CYP4V2: variants seen among roughly 807,000 people sequenced by gnomAD.
CYP4V2 encodes cytochrome P450 family 4 subfamily V member 2, also known as cytochrome P450 4V2.
CYP4V2 carries 55 observed loss-of-function variants against 60.8 expected under a neutral mutation model. The observed-to-expected ratio is 0.90, with a 90% CI of 0.73 to 1.13. The LOEUF is 1.13. Among genes scored for constraint, CYP4V2 ranks in the 50% most tolerant of loss-of-function variants. The probability of loss-of-function intolerance (pLI) is 0.00; values close to 1 mark genes in which losing one functional copy is unlikely to be tolerated. For missense variants in CYP4V2, 675 were observed against 662.9 expected, an observed-to-expected ratio of 1.02 and a Z score of -0.20; for synonymous variants, 239 against 236.8, an observed-to-expected ratio of 1.01 and a Z score of -0.08.
In CYP4V2 at chr4:186,210,522, C is replaced by A. The variant is rs747710403; in HGVS notation, c.1459C>A (p.His487Asn). 6.2e-7 allele frequency: 1 copy of A among 1,614,066 alleles called. No homozygotes were observed. Among genetic ancestry groups the A allele is most frequent in the African/African-American group, 1.3e-5 (1 of 74,928 alleles). The part of the protein sequence containing the change: ...EKTILSCILR[H>N]FWIESNQKRE... ...GACCATTCTTTCGTGCATCCTGAGGCACTTTTGGATAGAATCCAACCAGAA... is the reference window on the plus strand; with the variant it reads ...GACCATTCTTTCGTGCATCCTGAGGAACTTTTGGATAGAATCCAACCAGAA... The change falls in exon 11 of 11, where the codon CAC (histidine) becomes AAC (asparagine). Residue 487 changes from histidine (H) to asparagine (N), a missense_variant. Coordinates refer to ENST00000378802, the MANE Select transcript of CYP4V2 (RefSeq NM_207352.4).
intron 6 of CYP4V2, among the ~76,000 whole-genome samples, chr4:186,200,087 G>A (rs201905639): frequency 1.7e-5 from 1 of 58,892 alleles, no homozygotes; most frequent in African/African-American, 6.4e-5. Flanking sequence ...CTTAAATTTT[G>A]TGCATTAATA....
Position 186,211,686 on chromosome 4 carries a change from C to CACACACAT in CYP4V2, c.*1052_*1053insTACACACA, listed in dbSNP as rs1736726118. Reference sequence around the variant, plus strand: ...ACATACACACACACACACACACACACACACACACACATACACACATATAAT... The same window carrying CACACACAT: ...ACATACACACACACACACACACACACACACACATACACACACACATACACACATATAAT... On this transcript the variant is annotated 3_prime_UTR_variant, in exon 11 of 11. Transcript: ENST00000378802. 9.9e-6 allele frequency: 1 copy of CACACACAT among 101,414 alleles called. No homozygotes were observed. The highest frequency in any genetic ancestry group is 2.2e-5 in the Non-Finnish European group (1 of 46,124). The allele number at this position is 101,414 out of a possible 1,614,324, so 6.3% of individuals were successfully genotyped here. A position where few individuals can be genotyped will look rare whatever the true frequency, so the allele number is the denominator to read the frequency against.
chr4:186,208,445 T>A (rs575560313), intron 8 of CYP4V2, among the ~76,000 whole-genome samples: 68 of 152,222 alleles, frequency 4.5e-4, no homozygotes, highest in African/African-American at 1.6e-3. Flanking sequence ...TAGCATCCCC[T>A]GCCTTGATCC....
At chr4:186,206,291 C>T (rs1736502710) in intron 8 of CYP4V2, among the ~76,000 whole-genome samples, 1 of 152,164 alleles carries the variant, frequency 6.6e-6, no homozygotes, top group South Asian at 2.1e-4. Flanking sequence ...GCGTTCAGGG[C>T]TCACCTGGAT....
At position 186,212,176 on chromosome 4, in the gene CYP4V2, A is replaced by G. The variant is rs1230906688; in HGVS notation, c.*1535A>G. On this transcript the variant is annotated 3_prime_UTR_variant, in exon 11 of 11. Coordinates refer to ENST00000378802, the MANE Select transcript of CYP4V2 (RefSeq NM_207352.4). The stretch of plus-strand genomic sequence containing the variant: ...TAAATCTCTCCACTCACATGCTGAT[A>G]TACTTTCTACTACAATATGCTATAG... 2.0e-5 allele frequency: 3 copies of G among 152,190 alleles called. No homozygotes were observed. The highest frequency in any genetic ancestry group is 4.8e-5 in the African/African-American group (2 of 41,452). The allele number at this position is 152,190 out of a possible 1,614,324, so 9.4% of individuals were successfully genotyped here.
intron 8 of CYP4V2, among the ~76,000 whole-genome samples, chr4:186,207,326 A>G (rs1467788513): frequency 1.2e-4 from 18 of 150,622 alleles, no homozygotes; most frequent in African/African-American, 4.4e-4. Context: ...GGAGAATGAC[A>G]TGAACCCCTC....
Position 186,197,119 on chromosome 4 carries a change from A to G in CYP4V2, c.593A>G (p.Asp198Gly). 1 of 1,613,890 alleles carries G rather than the reference A, an allele frequency of 6.2e-7. No homozygotes were observed. Among genetic ancestry groups the G allele is most frequent in the Non-Finnish European group, 8.5e-7 (1 of 1,180,040 alleles). ...CFFYITLCAL[D>G]IICETAMGKN... is the part of the protein sequence containing the mutation. ...TTTTACATCACTCTTTGTGCCTTAG[A>G]TATCATCTGTGGTGAGTCTCATCGA... Residue 198 changes from aspartate to glycine, a missense_variant, in exon 4 of 11, where the codon GAT becomes GGT. By Grantham distance (94) the Asp-to-Gly change is moderately conservative. Transcript: ENST00000378802.
intron 1 of CYP4V2, 30 bp from the exon 2 acceptor site, chr4:186,194,470 T>C (rs767122178): frequency 1.0e-4 from 157 of 1,576,116 alleles, no homozygotes; most frequent in Non-Finnish European, 1.4e-4. Context: ...CTCATCTTGA[T>C]TGAATTTCAA....
intron 7 of CYP4V2, chr4:186,204,970 G>A (rs1394137454): frequency 1.7e-6 from 1 of 579,264 alleles, no homozygotes; most frequent in East Asian, 3.0e-5. Context: ...CGTCCCACCA[G>A]CGTGCAACAC....
chr4:186,193,063 A>G (rs892424525), intron 1 of CYP4V2, among the ~76,000 whole-genome samples: 4 of 152,370 alleles, frequency 2.6e-5, no homozygotes, highest in Admixed American at 2.0e-4. Flanking sequence ...AAAAAAATCA[A>G]GCGAACTCTT....
chr4:186,209,164 T>C lies in CYP4V2; in HGVS notation c.1297T>C (p.Phe433Leu), dbSNP rs1398531485. The C allele has an allele frequency of 6.2e-7, 1 of 1,614,144 alleles. No individual in the cohort carries two copies. Among genetic ancestry groups the C allele is most frequent in the Admixed American group, 1.7e-5 (1 of 60,018 alleles). The change falls in exon 10 of 11, where the codon TTC becomes CTC. Residue 433 changes from phenylalanine (F) to leucine (L), a missense_variant. Coordinates refer to ENST00000378802, the MANE Select transcript of CYP4V2 (RefSeq NM_207352.4). ...TGCATTGCACAGAGATCCGAGATACTTCCCCAACCCCGAGGAGTTCCAGCC... is the reference window on the plus strand; with the variant it reads ...TGCATTGCACAGAGATCCGAGATACCTCCCCAACCCCGAGGAGTTCCAGCC... ...PYALHRDPRY[F>L]PNPEEFQPER...
At position 186,194,510 on chromosome 4, in the gene CYP4V2, G is replaced by A. The variant is rs1000040559; in HGVS notation, c.225G>A (p.Gln75=). The A allele has an allele frequency of 3.1e-6, 5 of 1,613,924 alleles. No individual in the cohort carries two copies. The highest frequency in any genetic ancestry group is 4.2e-6 in the Non-Finnish European group (5 of 1,179,942). Reference sequence around the variant, plus strand: ...GATGTTTTTCCCCAGAATTTTTTCAGCAGATCATTGAGTACACAGAGGAAT... The same window carrying A: ...GATGTTTTTCCCCAGAATTTTTTCAACAGATCATTGAGTACACAGAGGAAT... The part of the protein sequence containing the change: ...LMKPDGREFF[Q]QIIEYTEEYR... The change falls in exon 2 of 11, where the codon CAG becomes CAA. Residue 75 remains glutamine (Q), a synonymous_variant. Coordinates refer to ENST00000378802, the MANE Select transcript of CYP4V2 (RefSeq NM_207352.4).
chr4:186,202,744 TC>T (rs1412020732), intron 7 of CYP4V2: 4 of 146,188 alleles, frequency 2.7e-5, no homozygotes, highest in African/African-American at 1.0e-4. Context: ...CTACATACAC[TC>T]ATGCACATAC....
At chr4:186,204,846 A>G in intron 7 of CYP4V2, 1 of 365,284 alleles carries the variant, frequency 2.7e-6, no homozygotes, top group Non-Finnish European at 5.3e-6. Context: ...GGGGGAAGGC[A>G]GAGAAGTACA....
At position 186,191,833 on chromosome 4, in the gene CYP4V2, C is replaced by T. The variant is rs1301792055; in HGVS notation, c.10C>T (p.Leu4Phe). 1 of 1,568,176 alleles carries T rather than the reference C, an allele frequency of 6.4e-7. No individual in the cohort carries two copies. The highest frequency in any genetic ancestry group is 1.8e-5 in the Admixed American group (1 of 56,182). The change falls in exon 1 of 11, where the codon CTC (leucine) becomes TTC (phenylalanine). Residue 4 changes from leucine (L) to phenylalanine (F), a missense_variant. By Grantham distance (22) the Leu-to-Phe change is conservative. Transcript: ENST00000378802. ...GCCGCCAGCCGGGGCGATGGCGGGG[C>T]TCTGGCTGGGGCTCGTGTGGCAGAA... MAG[L>F]WLGLVWQKLL... is the part of the protein sequence containing the mutation.
At chr4:186,209,778 TG>T (rs199999491) in intron 10 of CYP4V2, among the ~76,000 whole-genome samples, 9 of 151,938 alleles carry the variant, frequency 5.9e-5, no homozygotes, top group Admixed American at 3.3e-4. Context: ...TTCTAAGGTA[TG>T]GGGGGGGCTT....
intron 3 of CYP4V2, 180 bp from the exon 4 acceptor site, chr4:186,196,760 T>C: frequency 1.7e-6 from 1 of 595,498 alleles, no homozygotes; most frequent in South Asian, 2.2e-5. Flanking sequence ...GAATATTTTA[T>C]AGATATGTGT....
intron 3 of CYP4V2, chr4:186,196,483 T>TC (rs1736149960): frequency 3.2e-6 from 1 of 313,296 alleles, no homozygotes; most frequent in African/African-American, 2.1e-5. Context: ...GAAACAGGGC[T>TC]CCATCCTCTG....
rs148330760 is a variant in CYP4V2 at position 186,196,028 on chromosome 4, T to C, written c.353T>C (p.Ile118Thr). Residue 118 changes from isoleucine (I) to threonine (T), a missense_variant, in exon 3 of 11, where the codon ATT becomes ACT. Coordinates refer to ENST00000378802, the MANE Select transcript of CYP4V2 (RefSeq NM_207352.4). Reference sequence around the variant, plus strand: ...GTAATTTTAACTAGTTCAAAGCAAATTGACAAATCCTCTATGTACAAGTTT... The same window carrying C: ...GTAATTTTAACTAGTTCAAAGCAAACTGACAAATCCTCTATGTACAAGTTT... ...VEVILTSSKQ[I>T]DKSSMYKFLE... 2 of 1,613,914 alleles carry C rather than the reference T, an allele frequency of 1.2e-6. No individual in the cohort carries two copies. Among genetic ancestry groups the C allele is most frequent in the African/African-American group, 1.3e-5 (1 of 74,940 alleles).
Sources: allele counts gnomAD v4.1 joint callset (sites outside exome capture counted in the v4.1 genomes callset), GRCh38; gene constraint gnomAD v4.1.1; transcripts MANE v1.5; gene names NCBI Gene and HGNC (gene_info 2026-07-23, HGNC 2026-07-21).